Variants in NDUFV2 observed in about 807,000 individuals in gnomAD.
NDUFV2 encodes the protein NADH:ubiquinone oxidoreductase core subunit V2.
NDUFV2 carries 18 observed loss-of-function variants against 31.6 expected under a neutral mutation model. That is an observed-to-expected ratio of 0.57 (90% CI 0.39 to 0.84). NDUFV2 has a LOEUF of 0.84. NDUFV2 is among the 40% of genes least tolerant of loss of function. The probability of loss-of-function intolerance (pLI) is 0.00; values close to 1 mark genes in which losing one functional copy is unlikely to be tolerated. For synonymous variants in NDUFV2, 83 were observed against 99.8 expected, an observed-to-expected ratio of 0.83 and a Z score of 1.01; for missense variants, 314 against 303.6, an observed-to-expected ratio of 1.03 and a Z score of -0.26.
chr18:9,118,732 G>A (rs1438271781), intron 2 of NDUFV2, among the ~76,000 whole-genome samples: 1 of 151,618 alleles, frequency 6.6e-6, no homozygotes, highest in Non-Finnish European at 1.5e-5. Flanking sequence ...AGTTTTTGAA[G>A]AGGGCCTGCT....
Position 9,126,829 on chromosome 18 carries a change from A to G in NDUFV2, c.580-2A>G, listed in dbSNP as rs1290735985. ...TATGACTATTGTTAATTTTTTTTCC[A>G]GGAGGATTTGACAGCTAAGGATATT... On this transcript the variant is annotated splice_acceptor_variant, in intron 6 of 7. Transcript: ENST00000318388. LOFTEE classifies it high-confidence loss of function. 2.5e-6 allele frequency: 4 copies of G among 1,611,808 alleles called. No individual in the cohort carries two copies. Among genetic ancestry groups the G allele is most frequent in the Admixed American group, 1.7e-5 (1 of 59,984 alleles).
intron 2 of NDUFV2, among the ~76,000 whole-genome samples, chr18:9,118,368 A>G (rs1353940677): frequency 6.6e-6 from 1 of 152,162 alleles, no homozygotes; most frequent in Non-Finnish European, 1.5e-5. Context: ...TAGTTGCACA[A>G]TTTGGAAAGG....
At chr18:9,110,480 A>G (rs1293424171) in intron 1 of NDUFV2, among the ~76,000 whole-genome samples, 3 of 151,820 alleles carry the variant, frequency 2.0e-5, no homozygotes, top group Non-Finnish European at 2.9e-5. Context: ...TATCTTCACT[A>G]TTTAGTTTGT....
intron 1 of NDUFV2, among the ~76,000 whole-genome samples, chr18:9,109,385 A>G (rs1203528713): frequency 1.3e-5 from 2 of 152,210 alleles, no homozygotes; most frequent in Non-Finnish European, 2.9e-5. Context: ...GTTTTGTCTT[A>G]CAGCTTCTTA....
Position 9,134,093 on chromosome 18 carries a change from A to AC in NDUFV2, c.657-92dup, listed in dbSNP as rs1435651936. ...GCTAGTTCTTAGGGTAAAAATAGTT[A>AC]CTTAACTGGGCTCTTGTGAGGTAAC... On this transcript the variant is annotated intron_variant, in intron 7 of 7. Coordinates refer to ENST00000318388, the MANE Select transcript of NDUFV2 (RefSeq NM_021074.5). The AC allele has an allele frequency of 9.1e-6, 8 of 876,682 alleles. No homozygotes were observed. In the African/African-American group the frequency reaches 1.4e-4, roughly 15 times the overall value. The allele number at this position is 876,682 out of a possible 1,614,324, so 54.3% of individuals were successfully genotyped here. A position where few individuals can be genotyped will look rare whatever the true frequency, so the allele number is the denominator to read the frequency against.
chr18:9,123,313 A>C (rs942051212), intron 5 of NDUFV2, among the ~76,000 whole-genome samples: 1 of 151,550 alleles, frequency 6.6e-6, no homozygotes, highest in East Asian at 1.9e-4. Flanking sequence ...GTTGGCTCAA[A>C]CCCCCCCACC....
At chr18:9,110,368 A>G (rs1450061752) in intron 1 of NDUFV2, among the ~76,000 whole-genome samples, 1 of 152,166 alleles carries the variant, frequency 6.6e-6, no homozygotes, top group Non-Finnish European at 1.5e-5. Flanking sequence ...AACACACCAA[A>G]AAAACAATTT....
At chr18:9,113,523 A>G (rs1453706351) in intron 1 of NDUFV2, among the ~76,000 whole-genome samples, 1 of 152,128 alleles carries the variant, frequency 6.6e-6, no homozygotes, top group Non-Finnish European at 1.5e-5. Flanking sequence ...TTTGACATTC[A>G]TATCTCACGG....
intron 7 of NDUFV2, among the ~76,000 whole-genome samples, chr18:9,130,241 T>C (rs896823671): frequency 4.6e-5 from 7 of 152,194 alleles, no homozygotes; most frequent in African/African-American, 1.7e-4. Context: ...ATTTGTAATA[T>C]GAGGTACTAT....
intron 1 of NDUFV2, among the ~76,000 whole-genome samples, chr18:9,115,337 CCT>C (rs1285324368): frequency 6.6e-6 from 1 of 151,294 alleles, no homozygotes; most frequent in East Asian, 1.9e-4. Context: ...TTTGTTTAAC[CCT>C]GATTCCAGTT....
chr18:9,113,616 A>T (rs954838907), intron 1 of NDUFV2, among the ~76,000 whole-genome samples: 2 of 152,228 alleles, frequency 1.3e-5, no homozygotes, highest in African/African-American at 4.8e-5. Context: ...AAAAGGCAGA[A>T]ATGAAATCCA....
In NDUFV2 at chr18:9,102,772, G is replaced by T. The variant is rs1035730836; in HGVS notation, c.29G>T (p.Arg10Leu). 8.2e-6 allele frequency: 13 copies of T among 1,583,056 alleles called. No individual in the cohort carries two copies. In the Admixed American group the frequency reaches 1.4e-4, roughly 17 times the overall value. ...TTCTTCTCCGCGGCGCTCCGGGCCC[G>T]GGCGGCTGGCCTCACCGCCCACTGG... MFFSAALRA[R>L]AAGLTAHWGR... The change falls in exon 1 of 8, where the codon CGG becomes CTG. Residue 10 changes from arginine (R) to leucine (L), a missense_variant. Physicochemically the swap from Arg to Leu is moderately radical, Grantham distance 102. Transcript: ENST00000318388.
At chr18:9,128,757 T>A (rs2078014251) in intron 7 of NDUFV2, among the ~76,000 whole-genome samples, 1 of 152,224 alleles carries the variant, frequency 6.6e-6, no homozygotes, top group Admixed American at 6.5e-5. Flanking sequence ...TAAAATAAAT[T>A]CATGCTATTC....
rs745405574 is a variant in NDUFV2, at chr18:9,104,211, C to CCT, written c.54+1417_54+1418dup. On this transcript the variant is annotated intron_variant, in intron 1 of 7. Transcript: ENST00000318388. ...AAGATCGGTATGTATGAGAAGCCAC[C>CCT]CTCTGCTGTTGGAGGTAAGGTGTGT... is the stretch of plus-strand genomic sequence containing the variant. 1.9e-6 allele frequency: 3 copies of CCT among 1,612,410 alleles called. No individual in the cohort carries two copies. In the African/African-American group the frequency reaches 4.0e-5, roughly 22 times the overall value.
chr18:9,130,033 C>G (rs2078026251), intron 7 of NDUFV2, among the ~76,000 whole-genome samples: 1 of 152,040 alleles, frequency 6.6e-6, no homozygotes, highest in South Asian at 2.1e-4. Flanking sequence ...GAAGAAAAGT[C>G]AAATTTTGTT....
chr18:9,129,232 C>A (rs750949303), intron 7 of NDUFV2, among the ~76,000 whole-genome samples: 1 of 152,156 alleles, frequency 6.6e-6, no homozygotes, highest in Non-Finnish European at 1.5e-5. Context: ...TGAGCCACCA[C>A]GCCCGGCCAC....
intron 1 of NDUFV2, among the ~76,000 whole-genome samples, chr18:9,109,203 C>T (rs2077857396): frequency 6.6e-6 from 1 of 152,072 alleles, no homozygotes; most frequent in Admixed American, 6.5e-5. Flanking sequence ...TGCACTGTGA[C>T]TCTTGCACAG....
intron 1 of NDUFV2, chr18:9,104,037 A>G (rs2077828619): frequency 8.1e-6 from 8 of 991,222 alleles, no homozygotes; most frequent in Non-Finnish European, 8.8e-6. Context: ...AGACAATGTA[A>G]AAGTACAGTG....
At chr18:9,116,599 A>G (rs1205992374) in intron 1 of NDUFV2, among the ~76,000 whole-genome samples, 1 of 152,150 alleles carries the variant, frequency 6.6e-6, no homozygotes, top group Non-Finnish European at 1.5e-5. Flanking sequence ...TATCACTCCC[A>G]TCTTTTGTAC....
Sources: gnomAD v4.1 joint callset for allele counts (sites outside exome capture counted in the v4.1 genomes callset) on GRCh38, gnomAD v4.1.1 for gene constraint, MANE v1.5 for transcripts, NCBI Gene and HGNC (gene_info 2026-07-23, HGNC 2026-07-21) for gene names.